DPP10: variants seen among roughly 807,000 people sequenced by gnomAD.
DPP10 encodes dipeptidyl peptidase like 10.
DPP10 carries 33 observed loss-of-function variants against 120.9 expected under a neutral mutation model. That is an observed-to-expected ratio of 0.27 (90% CI 0.21 to 0.37). The LOEUF (loss-of-function observed/expected upper bound fraction) is 0.37. Ranked by LOEUF, DPP10 falls within the 10% of genes least tolerant of loss-of-function variation. The pLI is 1.00. For synonymous variants in DPP10, 337 were observed against 326.1 expected (o/e 1.03, Z -0.36); for missense variants, 816 against 942.8 (o/e 0.87, Z 1.76).
At chr2:115,647,875 A>G (rs1348527563) in intron 5 of DPP10, among the ~76,000 whole-genome samples, 1 of 152,174 alleles carries the variant, frequency 6.6e-6, no homozygotes, top group African/African-American at 2.4e-5. Flanking sequence ...TCCCTTCTTA[A>G]TGCTACCGCA....
intron 5 of DPP10, among the ~76,000 whole-genome samples, chr2:115,648,740 T>A (rs2087498814): frequency 6.6e-6 from 1 of 152,164 alleles, no homozygotes; most frequent in East Asian, 1.9e-4. Flanking sequence ...ATAGGTAGTG[T>A]GAACCTCTTA....
At chr2:114,832,963 C>T (rs992962284) in intron 1 of DPP10, among the ~76,000 whole-genome samples, 1 of 152,010 alleles carries the variant, frequency 6.6e-6, no homozygotes, top group African/African-American at 2.4e-5. Flanking sequence ...TGTGTGTATA[C>T]AGAGACAAGC....
intron 5 of DPP10, among the ~76,000 whole-genome samples, chr2:115,645,603 AGC>A (rs2087175856): frequency 6.6e-6 from 1 of 152,174 alleles, no homozygotes; most frequent in African/African-American, 2.4e-5. Flanking sequence ...CCCCTTACTA[AGC>A]CATCATGTTA....
intron 5 of DPP10, among the ~76,000 whole-genome samples, chr2:115,688,988 G>A (rs1259151446): frequency 2.0e-5 from 3 of 152,138 alleles, no homozygotes; most frequent in Admixed American, 6.5e-5. Context: ...CCAGTTGAAT[G>A]CATATAAACA....
chr2:115,429,505 G>A (rs2070777256), intron 3 of DPP10, among the ~76,000 whole-genome samples: 1 of 152,096 alleles, frequency 6.6e-6, no homozygotes, highest in Non-Finnish European at 1.5e-5. Context: ...TGTAAGAAGA[G>A]CTCAAAAGAA....
chr2:115,154,243 A>G (rs1443010885), intron 1 of DPP10, among the ~76,000 whole-genome samples: 1 of 152,222 alleles, frequency 6.6e-6, no homozygotes, highest in Non-Finnish European at 1.5e-5. Flanking sequence ...TTAGGTAAGA[A>G]ATAAATTAGG....
At chr2:114,966,423 G>A (rs1307375046) in intron 1 of DPP10, among the ~76,000 whole-genome samples, 1 of 152,044 alleles carries the variant, frequency 6.6e-6, no homozygotes, top group Non-Finnish European at 1.5e-5. Context: ...AAAGACTCTG[G>A]CTTCCTCAGT....
At chr2:114,960,895 A>G (rs1350536738) in intron 1 of DPP10, among the ~76,000 whole-genome samples, 1 of 152,172 alleles carries the variant, frequency 6.6e-6, no homozygotes, top group Non-Finnish European at 1.5e-5. Context: ...TAGCTTAAAT[A>G]TAACAATGGT....
At chr2:115,327,876 A>G (rs2062459555) in intron 2 of DPP10, among the ~76,000 whole-genome samples, 2 of 152,050 alleles carry the variant, frequency 1.3e-5, no homozygotes, top group Non-Finnish European at 2.9e-5. Flanking sequence ...TATAATGACA[A>G]TTGTTTGATG....
chr2:114,764,941 A>C (rs879632198), intron 1 of DPP10, among the ~76,000 whole-genome samples: 3 of 152,156 alleles, frequency 2.0e-5, no homozygotes, highest in Non-Finnish European at 4.4e-5. Flanking sequence ...GGGTTAGGCT[A>C]TTGTAATATG....
At chr2:115,268,382 A>T (rs967890552) in intron 1 of DPP10, among the ~76,000 whole-genome samples, 2 of 152,222 alleles carry the variant, frequency 1.3e-5, no homozygotes, top group Admixed American at 1.3e-4. Context: ...ACTTTCTGCA[A>T]ACCTTGAACA....
intron 1 of DPP10, among the ~76,000 whole-genome samples, chr2:115,001,720 A>T (rs1701452592): frequency 6.6e-6 from 1 of 152,152 alleles, no homozygotes; most frequent in African/African-American, 2.4e-5. Flanking sequence ...AGTCAGGTGC[A>T]ATTCCAAACA....
intron 1 of DPP10, among the ~76,000 whole-genome samples, chr2:114,605,219 CATCTAAG>C (rs1235050609): frequency 1.3e-5 from 2 of 151,984 alleles, no homozygotes; most frequent in African/African-American, 2.4e-5. Context: ...GAAACTTAAG[CATCTAAG>C]AACAAGGGCA....
chr2:115,479,436 G>A (rs76972536), intron 3 of DPP10, among the ~76,000 whole-genome samples: 3,599 of 152,110 alleles, frequency 0.024, 138 homozygotes, highest in African/African-American at 0.081. Flanking sequence ...TGTTTAATGC[G>A]TACAGATTTT....
chr2:115,340,545 T>G (rs1216721983), intron 2 of DPP10, among the ~76,000 whole-genome samples: 2 of 151,922 alleles, frequency 1.3e-5, no homozygotes, highest in Admixed American at 1.3e-4. Flanking sequence ...TAATATGATT[T>G]TAAAGCTCAC....
intron 5 of DPP10, among the ~76,000 whole-genome samples, chr2:115,536,912 T>G (rs2078882449): frequency 6.6e-6 from 1 of 152,002 alleles, no homozygotes; most frequent in Non-Finnish European, 1.5e-5. Context: ...TACACTAGGA[T>G]TAATAGATGA....
intron 1 of DPP10, among the ~76,000 whole-genome samples, chr2:114,564,323 C>T (rs1689028035): frequency 6.6e-6 from 1 of 151,950 alleles, no homozygotes; most frequent in Admixed American, 6.6e-5. Context: ...ATATAATTAT[C>T]TAACCAAGCA....
chr2:114,923,773 C>T (rs950229152), intron 1 of DPP10, among the ~76,000 whole-genome samples: 1 of 152,146 alleles, frequency 6.6e-6, no homozygotes, highest in African/African-American at 2.4e-5. Flanking sequence ...GCCTTTTTCA[C>T]TTTCTTGATG....
chr2:114,732,372 G>C (rs530943334), intron 1 of DPP10, among the ~76,000 whole-genome samples: 1 of 152,190 alleles, frequency 6.6e-6, no homozygotes, highest in Non-Finnish European at 1.5e-5. Context: ...GTCAGAGAAA[G>C]CTTCCTCTGG....
Sources: allele counts gnomAD v4.1 joint callset (sites outside exome capture counted in the v4.1 genomes callset), GRCh38; gene constraint gnomAD v4.1.1; transcripts MANE v1.5; gene names NCBI Gene and HGNC (gene_info 2026-07-23, HGNC 2026-07-21).